ZBTB43: variants seen among roughly 807,000 people sequenced by gnomAD.
ZBTB43 encodes the protein zinc finger and BTB domain containing 43.
Under a neutral mutation model 31.1 loss-of-function variants are expected in ZBTB43, and 6 were observed. The ratio of observed to expected loss-of-function variants is 0.19; its 90% CI spans 0.11 to 0.38. ZBTB43 has a LOEUF of 0.38. Ranked by LOEUF, ZBTB43 falls within the 10% of genes least tolerant of loss-of-function variation. The pLI is 1.00. For synonymous variants in ZBTB43, 212 were observed against 221.7 expected (o/e 0.96, Z 0.39); for missense variants, 379 against 602.1 (o/e 0.63, Z 3.88).
chr9:126,811,060 A>G (rs898665633), intron 2 of ZBTB43, among the ~76,000 whole-genome samples: 3 of 151,536 alleles, frequency 2.0e-5, no homozygotes, highest in African/African-American at 4.8e-5. Context: ...CATCTCTACT[A>G]AAAACACAAA....
At position 126,837,804 on chromosome 9, in the gene ZBTB43, TG is replaced by T. The variant is rs996987528; in HGVS notation, c.*3895del. The T allele has an allele frequency of 2.4e-5, 4 of 166,948 alleles. No homozygotes were observed. Among genetic ancestry groups the T allele is most frequent in the African/African-American group, 9.7e-5 (4 of 41,414 alleles). 10.3% of individuals were successfully genotyped at this position (166,948 alleles called of 1,614,324 possible). Reference sequence around the variant, plus strand: ...TCAAATCTCTACTGATAGTGCCCTATGGGGAGATGCTGGAACACATTTTGCA... The same window carrying T: ...TCAAATCTCTACTGATAGTGCCCTATGGGAGATGCTGGAACACATTTTGCA... On this transcript the variant is annotated 3_prime_UTR_variant, in exon 3 of 3. Transcript: ENST00000373464.
chr9:126,804,463 G>A (rs1055532739), upstream of ZBTB43, among the ~76,000 whole-genome samples: 5 of 151,388 alleles, frequency 3.3e-5, no homozygotes, highest in South Asian at 1.0e-3. Context: ...GACGGAGAAG[G>A]TCAAGGTGTT....
Position 126,834,131 on chromosome 9 carries a change from G to A in ZBTB43, c.*218G>A, listed in dbSNP as rs114244900. On this transcript the variant is annotated 3_prime_UTR_variant, in exon 3 of 3. Coordinates refer to ENST00000373464, the MANE Select transcript of ZBTB43 (RefSeq NM_014007.4). The stretch of plus-strand genomic sequence containing the variant: ...CCTGGCCTGGAATGGGTAATGGGGT[G>A]AGTTAACCCACCGCCCAGCTGGCAA... The A allele has an allele frequency of 5.5e-3, 2,607 of 473,458 alleles. 47 individuals carry two copies. The highest frequency in any genetic ancestry group is 0.045 in the African/African-American group (2,276 of 51,008). 29.3% of individuals were successfully genotyped at this position (473,458 alleles called of 1,614,324 possible).
intron 2 of ZBTB43, among the ~76,000 whole-genome samples, chr9:126,809,851 T>C (rs1220257182): frequency 6.6e-6 from 1 of 152,182 alleles, no homozygotes; most frequent in Non-Finnish European, 1.5e-5. Context: ...TCTTTTTTTT[T>C]TTGAGACAGA....
intron 2 of ZBTB43, among the ~76,000 whole-genome samples, chr9:126,812,569 C>T (rs770037720): frequency 6.6e-6 from 1 of 151,770 alleles, no homozygotes; most frequent in Non-Finnish European, 1.5e-5. Context: ...ACATCCTCAC[C>T]GACACCTGTT....
At chr9:126,816,394 T>A (rs978406035) in intron 2 of ZBTB43, among the ~76,000 whole-genome samples, 1 of 152,244 alleles carries the variant, frequency 6.6e-6, no homozygotes, top group African/African-American at 2.4e-5. Flanking sequence ...CATATCATTC[T>A]ACTGTTTTGT....
At chr9:126,828,377 G>A (rs2032690436) in intron 2 of ZBTB43, among the ~76,000 whole-genome samples, 1 of 151,632 alleles carries the variant, frequency 6.6e-6, no homozygotes, top group African/African-American at 2.4e-5. Context: ...TAGAGATGGG[G>A]TTTCACCGTG....
chr9:126,828,090 G>A (rs978013612), intron 2 of ZBTB43, among the ~76,000 whole-genome samples: 2 of 152,042 alleles, frequency 1.3e-5, no homozygotes, highest in African/African-American at 4.8e-5. Context: ...AATAGTGTTA[G>A]AAAAACAGGC....
intron 2 of ZBTB43, 188 bp from the exon 3 acceptor site, chr9:126,832,299 G>A (rs1250441782): frequency 1.7e-6 from 1 of 582,634 alleles, no homozygotes; most frequent in African/African-American, 1.9e-5. Flanking sequence ...ACAAGGAGTG[G>A]TGGTGAGTCC....
chr9:126,834,078 C>A lies in ZBTB43; in HGVS notation c.*165C>A. On this transcript the variant is annotated 3_prime_UTR_variant, in exon 3 of 3. Coordinates refer to ENST00000373464, the MANE Select transcript of ZBTB43 (RefSeq NM_014007.4). ...CTCTAAGTAGGCCAATTAAAAAAAT[C>A]TAATTCCTCAAATTTGTGTGTTCCA... The A allele has an allele frequency of 1.3e-6, 1 of 793,838 alleles. No individual in the cohort carries two copies. The highest frequency in any genetic ancestry group is 3.1e-5 in the South Asian group (1 of 32,746). The allele number at this position is 793,838 out of a possible 1,614,324, so 49.2% of individuals were successfully genotyped here.
intron 2 of ZBTB43, among the ~76,000 whole-genome samples, chr9:126,824,257 T>G (rs2032581510): frequency 6.6e-6 from 1 of 152,224 alleles, no homozygotes; most frequent in African/African-American, 2.4e-5. Context: ...AACTTCTGAC[T>G]CAAATGATCC....
intron 2 of ZBTB43, 21 bp from the exon 3 acceptor site, chr9:126,832,466 T>G: frequency 1.3e-6 from 2 of 1,556,494 alleles, no homozygotes; most frequent in Non-Finnish European, 1.7e-6. Context: ...GAATTTGTAC[T>G]AATTTTTCTT....
intron 2 of ZBTB43, among the ~76,000 whole-genome samples, chr9:126,820,081 G>A (rs770949859): frequency 4.6e-5 from 7 of 152,202 alleles, no homozygotes; most frequent in African/African-American, 7.2e-5. Flanking sequence ...AAGTGTCTCC[G>A]TAATGTAAAA....
chr9:126,829,810 A>G (rs1751977427), intron 2 of ZBTB43, among the ~76,000 whole-genome samples: 1 of 152,168 alleles, frequency 6.6e-6, no homozygotes, highest in Non-Finnish European at 1.5e-5. Flanking sequence ...CTAGCAGAGA[A>G]TCTGTTCACC....
At chr9:126,818,256 G>A (rs910485250) in intron 2 of ZBTB43, among the ~76,000 whole-genome samples, 9 of 150,332 alleles carry the variant, frequency 6.0e-5, no homozygotes, top group Non-Finnish European at 8.9e-5. Context: ...CCAAGTAGCT[G>A]GGACTACAGC....
At chr9:126,825,491 T>C (rs2032610461) in intron 2 of ZBTB43, among the ~76,000 whole-genome samples, 1 of 152,152 alleles carries the variant, frequency 6.6e-6, no homozygotes, top group African/African-American at 2.4e-5. Context: ...ATCAAGATGT[T>C]AGCAGGTTTG....
intron 2 of ZBTB43, among the ~76,000 whole-genome samples, chr9:126,810,178 A>ATTTG (rs776538657): frequency 6.6e-6 from 1 of 150,646 alleles, no homozygotes; most frequent in East Asian, 2.0e-4. Flanking sequence ...TTGTTTGTTC[A>ATTTG]TTTGTTTGTT....
intron 2 of ZBTB43, among the ~76,000 whole-genome samples, chr9:126,813,269 C>G (rs1264017865): frequency 6.6e-6 from 1 of 152,102 alleles, no homozygotes; most frequent in Non-Finnish European, 1.5e-5. Flanking sequence ...CGTGAGCCAC[C>G]ATGCCTGGCC....
rs759837410 is a variant in ZBTB43 at position 126,833,614 on chromosome 9, A to G, written c.1105A>G (p.Thr369Ala). 2.5e-6 allele frequency: 4 copies of G among 1,614,052 alleles called. No homozygotes were observed. In the Admixed American group the frequency reaches 5.0e-5, roughly 20 times the overall value. Residue 369 changes from threonine to alanine, a missense_variant, in exon 3 of 3, where the codon ACT becomes GCT. Around this residue, in one of 5 missense-constraint regions of ZBTB43, gnomAD observed 253 missense variants for 322.3 expected, o/e 0.79. Transcript: ENST00000373464. This position sits in a 1 kb window ranked among gnomAD's most constrained non-coding sequence, Gnocchi z 7.9. ...AGCTTCCCACTTAGGATTCTCAGCCACTGACAAGCTGTATCCTTGTCAGTG... is the reference window on the plus strand; with the variant it reads ...AGCTTCCCACTTAGGATTCTCAGCCGCTGACAAGCTGTATCCTTGTCAGTG... ...EEASHLGFSA[T>A]DKLYPCQCGK...
Sources: gnomAD v4.1 joint callset for allele counts (sites outside exome capture counted in the v4.1 genomes callset) on GRCh38, gnomAD v4.1.1 for gene constraint, gnomAD v4.1.1 regional missense constraint, Gnocchi (gnomAD v3.1) non-coding constraint, MANE v1.5 for transcripts, NCBI Gene and HGNC (gene_info 2026-07-23, HGNC 2026-07-21) for gene names.